Variants in MEIS2 observed in about 807,000 individuals in gnomAD.
MEIS2 encodes homeobox protein Meis2.
In MEIS2, 9 loss-of-function variants were observed where a neutral mutation model predicts 58.6. The ratio of observed to expected loss-of-function variants is 0.15; its 90% CI spans 0.09 to 0.27. The LOEUF (loss-of-function observed/expected upper bound fraction) is 0.27. Among genes scored for constraint, MEIS2 ranks in the 10% least tolerant of loss-of-function variants. The probability of loss-of-function intolerance (pLI) is 1.00; values close to 1 mark genes in which losing one functional copy is unlikely to be tolerated. For synonymous variants in MEIS2, 221 were observed against 228.4 expected, an observed-to-expected ratio of 0.97 and a Z score of 0.29; for missense variants, 427 against 635.0, an observed-to-expected ratio of 0.67 and a Z score of 3.52.
intron 11 of MEIS2, 73 bp from the exon 12 acceptor site, chr15:36,892,532 A>AAAT: frequency 2.4e-6 from 3 of 1,242,230 alleles, no homozygotes; most frequent in Non-Finnish European, 3.4e-6. Context: ...TCAAAGATGA[A>AAAT]AAGAAAAAAA....
At chr15:36,967,188 C>A (rs190451792) in intron 8 of MEIS2, among the ~76,000 whole-genome samples, 1 of 152,246 alleles carries the variant, frequency 6.6e-6, no homozygotes. Context: ...ATAGCGATAT[C>A]CTAACACATT....
chr15:36,935,184 T>C (rs1034310806), intron 9 of MEIS2, among the ~76,000 whole-genome samples: 7 of 123,350 alleles, frequency 5.7e-5, no homozygotes, highest in South Asian at 2.4e-4. Flanking sequence ...AAATTCTTTT[T>C]TCTTTTTTTT....
chr15:37,082,526 A>G (rs1892368294), intron 7 of MEIS2, among the ~76,000 whole-genome samples: 1 of 152,114 alleles, frequency 6.6e-6, no homozygotes, highest in Non-Finnish European at 1.5e-5. Context: ...GACCCTATGT[A>G]CCAGTTACCT....
Position 36,891,907 on chromosome 15 carries a change from G to A in MEIS2, c.*266C>T, listed in dbSNP as rs2055879526. The A allele has an allele frequency of 2.0e-6, 1 of 490,564 alleles. No individual in the cohort carries two copies. Among genetic ancestry groups the A allele is most frequent in the Non-Finnish European group, 3.6e-6 (1 of 279,752 alleles). The allele number at this position is 490,564 out of a possible 1,614,324, so 30.4% of individuals were successfully genotyped here. A position where few individuals can be genotyped will look rare whatever the true frequency, so the allele number is the denominator to read the frequency against. Reference sequence around the variant, plus strand: ...AACAGAAATGTACAAGTTTAACTTAGTTCCTATATTTATACTACAGTAGTT... The same window carrying A: ...AACAGAAATGTACAAGTTTAACTTAATTCCTATATTTATACTACAGTAGTT... On this transcript the variant is annotated 3_prime_UTR_variant, in exon 12 of 12. Coordinates refer to ENST00000561208, the MANE Select transcript of MEIS2 (RefSeq NM_170675.5).
rs539738718 is a variant in MEIS2, at chr15:36,995,956, GATATATATATATAT to G, written c.900+40844_900+40857del. Among the ~76,000 whole-genome samples the G allele has an allele frequency of 2.0e-3, 230 of 112,910 alleles. 2 individuals carry two copies. Among genetic ancestry groups the G allele is most frequent in the African/African-American group, 6.8e-3 (203 of 30,050 alleles). 74.1% of individuals were successfully genotyped at this position (112,910 alleles called of 152,430 possible). A position where few individuals can be genotyped will look rare whatever the true frequency, so the allele number is the denominator to read the frequency against. Reference sequence around the variant, plus strand: ...TAGTTAACCATTTCCTCTAGTCTGAGATATATATATATATATATATATATATATATATATATATA... The same window carrying G: ...TAGTTAACCATTTCCTCTAGTCTGAGATATATATATATATATATATATATA... On this transcript the variant is annotated intron_variant, in intron 8 of 11. Coordinates refer to ENST00000561208, the MANE Select transcript of MEIS2 (RefSeq NM_170675.5).
chr15:37,062,045 G>T (rs1030485270), intron 7 of MEIS2, among the ~76,000 whole-genome samples: 1 of 152,212 alleles, frequency 6.6e-6, no homozygotes, highest in Non-Finnish European at 1.5e-5. Flanking sequence ...TCAGTCATCA[G>T]CTCAGAAGCC....
chr15:37,009,096 T>C (rs879693766), intron 8 of MEIS2, among the ~76,000 whole-genome samples: 41 of 152,102 alleles, frequency 2.7e-4, no homozygotes, highest in Non-Finnish European at 5.1e-4. Context: ...GAGACCATCC[T>C]GGCTAACACG....
chr15:36,986,744 C>T (rs918528202), intron 8 of MEIS2, among the ~76,000 whole-genome samples: 10 of 152,130 alleles, frequency 6.6e-5, no homozygotes, highest in African/African-American at 1.9e-4. Context: ...TCCTCTCAGC[C>T]CTAGAGAAGG....
rs754676292 is a variant in MEIS2, at chr15:36,993,980, G to C, written c.900+42834C>G. ...GGTGTGAAGTTGAGATGATTTTCAG[G>C]GTCAATAAAGCCAAAGTAATTTTAG... On this transcript the variant is annotated intron_variant, in intron 8 of 11. Transcript: ENST00000561208. 5.1e-4 allele frequency among the ~76,000 whole-genome samples: 77 copies of C among 151,882 alleles called. 2 individuals carry two copies. Among genetic ancestry groups the C allele is most frequent in the Non-Finnish European group, 2.1e-4 (14 of 67,924 alleles).
At chr15:37,084,782 G>T (rs1395757522) in intron 6 of MEIS2, among the ~76,000 whole-genome samples, 2 of 152,148 alleles carry the variant, frequency 1.3e-5, no homozygotes, top group African/African-American at 4.8e-5. Context: ...AGGAAAACAG[G>T]AATTCTAATG....
chr15:36,896,535 G>T, intron 10 of MEIS2, 93 bp downstream of exon 10: 1 of 960,206 alleles, frequency 1.0e-6, no homozygotes, highest in Non-Finnish European at 1.5e-6. Context: ...CCTGGTGGAA[G>T]CACTTATTTA....
intron 9 of MEIS2, among the ~76,000 whole-genome samples, chr15:36,927,293 G>A (rs977052032): frequency 6.6e-6 from 1 of 152,122 alleles, no homozygotes; most frequent in African/African-American, 2.4e-5. Flanking sequence ...TAAACCAGGG[G>A]TACAGAAATA....
At chr15:36,974,549 C>G (rs2059675848) in intron 8 of MEIS2, among the ~76,000 whole-genome samples, 2 of 152,214 alleles carry the variant, frequency 1.3e-5, no homozygotes, top group South Asian at 4.1e-4. Flanking sequence ...TAATAGAAGG[C>G]ATTTAATCAC....
At chr15:36,930,721 A>G (rs1362163070) in intron 9 of MEIS2, among the ~76,000 whole-genome samples, 2 of 152,234 alleles carry the variant, frequency 1.3e-5, no homozygotes, top group African/African-American at 4.8e-5. Context: ...AAGATACAAG[A>G]CTGGGACACT....
intron 9 of MEIS2, among the ~76,000 whole-genome samples, chr15:36,910,450 A>G (rs2141264084): frequency 6.6e-6 from 1 of 152,300 alleles, no homozygotes; most frequent in Non-Finnish European, 1.5e-5. Flanking sequence ...AGAGAAGGTG[A>G]TGGTACAAAT....
chr15:36,931,746 A>C (rs908061233), intron 9 of MEIS2, among the ~76,000 whole-genome samples: 3 of 152,214 alleles, frequency 2.0e-5, no homozygotes, highest in African/African-American at 7.2e-5. Context: ...ACTGGCCAAG[A>C]ATCATGCTAA....
intron 7 of MEIS2, among the ~76,000 whole-genome samples, chr15:37,045,972 G>A (rs563285865): frequency 1.3e-5 from 2 of 152,140 alleles, no homozygotes; most frequent in Admixed American, 6.5e-5. Flanking sequence ...CCCTCCCCCC[G>A]GGGTATGAGC....
intron 8 of MEIS2, among the ~76,000 whole-genome samples, chr15:37,018,708 T>A (rs1009951866): frequency 6.6e-6 from 1 of 152,068 alleles, no homozygotes; most frequent in Non-Finnish European, 1.5e-5. Context: ...AAAGAAAAAA[T>A]TCCCTTATAA....
At chr15:36,995,059 T>A (rs574041889) in intron 8 of MEIS2, among the ~76,000 whole-genome samples, 1 of 152,326 alleles carries the variant, frequency 6.6e-6, no homozygotes, top group African/African-American at 2.4e-5. Context: ...ATACTTTTAA[T>A]ATATTTTGTC....
Sources: gnomAD v4.1 joint callset for allele counts (sites outside exome capture counted in the v4.1 genomes callset) on GRCh38, gnomAD v4.1.1 for gene constraint, MANE v1.5 for transcripts, NCBI Gene and HGNC (gene_info 2026-07-23, HGNC 2026-07-21) for gene names.